Variants in LINGO2 observed in about 807,000 individuals in gnomAD.
LINGO2 encodes the protein leucine rich repeat and Ig domain containing 2, also known as leucine-rich repeat and immunoglobulin-like domain-containing nogo receptor-interacting protein 2.
Under a neutral mutation model 30.6 loss-of-function variants are expected in LINGO2, and 14 were observed. That is an observed-to-expected ratio of 0.46 (90% CI 0.30 to 0.72). The LOEUF (loss-of-function observed/expected upper bound fraction) is 0.72, where lower values mean the gene tolerates loss of function less well. Ranked by LOEUF, LINGO2 falls within the 30% of genes least tolerant of loss-of-function variation. The pLI, the probability that LINGO2 is intolerant of heterozygous loss-of-function variation, is 0.07. For synonymous variants in LINGO2, 317 were observed against 288.5 expected, an observed-to-expected ratio of 1.10 and a Z score of -1.00; for missense variants, 729 against 751.7, an observed-to-expected ratio of 0.97 and a Z score of 0.35.
chr9:28,914,110 C>T, the LINGO2 span, among the ~76,000 whole-genome samples: 1 of 152,106 alleles, frequency 6.6e-6, no homozygotes. Context: ...CTCATTAAAA[C>T]ATGAATGCAT....
At chr9:28,279,632 C>T (rs1412661021) in intron 4 of LINGO2, among the ~76,000 whole-genome samples, 1 of 152,110 alleles carries the variant, frequency 6.6e-6, no homozygotes, top group Admixed American at 6.6e-5. Flanking sequence ...TAATAAACTA[C>T]AGTATAGTAT....
intron 5 of LINGO2, among the ~76,000 whole-genome samples, chr9:27,970,210 G>A (rs1242554856): frequency 6.6e-6 from 1 of 152,098 alleles, no homozygotes; most frequent in African/African-American, 2.4e-5. Context: ...CTGGGCAGCG[G>A]TGAAAAACAG....
the LINGO2 span, among the ~76,000 whole-genome samples, chr9:29,082,676 T>C: frequency 6.6e-6 from 1 of 152,050 alleles, no homozygotes; most frequent in Non-Finnish European, 1.5e-5. Context: ...TTTTGCAATC[T>C]ACTCATCTGA....
chr9:28,505,704 A>C (rs1450606110), intron 1 of LINGO2, among the ~76,000 whole-genome samples: 1 of 151,922 alleles, frequency 6.6e-6, no homozygotes, highest in African/African-American at 2.4e-5. Flanking sequence ...TACATTTACC[A>C]ACTAATGCAT....
At chr9:29,054,217 A>G in the LINGO2 span, among the ~76,000 whole-genome samples, 83 of 152,184 alleles carry the variant, frequency 5.5e-4, no homozygotes, top group Non-Finnish European at 1.1e-3. Context: ...ACAAAACTAA[A>G]TATGCTTAAT....
chr9:28,605,526 A>G (rs1233838065), intron 1 of LINGO2, among the ~76,000 whole-genome samples: 1 of 152,014 alleles, frequency 6.6e-6, no homozygotes, highest in Non-Finnish European at 1.5e-5. Flanking sequence ...AATATTGTAT[A>G]TCTCTCACTA....
At chr9:28,803,248 CAG>C in the LINGO2 span, among the ~76,000 whole-genome samples, 2 of 151,750 alleles carry the variant, frequency 1.3e-5, no homozygotes, top group Non-Finnish European at 2.9e-5. Flanking sequence ...AAAAATGAAA[CAG>C]AATATAACAC....
At chr9:28,461,569 A>G (rs1825083942) in intron 2 of LINGO2, among the ~76,000 whole-genome samples, 1 of 152,202 alleles carries the variant, frequency 6.6e-6, no homozygotes, top group Admixed American at 6.5e-5. Context: ...TCTAATGAGT[A>G]ACAAATATTG....
At chr9:29,112,138 C>T in the LINGO2 span, among the ~76,000 whole-genome samples, 8 of 148,226 alleles carry the variant, frequency 5.4e-5, no homozygotes, top group Non-Finnish European at 7.4e-5. Flanking sequence ...AAATCAAATA[C>T]GAAATATATC....
the LINGO2 span, among the ~76,000 whole-genome samples, chr9:29,189,012 A>AC: frequency 7.6e-5 from 8 of 105,196 alleles, no homozygotes; most frequent in African/African-American, 1.7e-4. Context: ...CGGGGGGCTG[A>AC]CCCCCCCACC....
chr9:28,585,287 C>T (rs1373951386), intron 1 of LINGO2, among the ~76,000 whole-genome samples: 2 of 151,918 alleles, frequency 1.3e-5, no homozygotes, highest in Admixed American at 6.6e-5. Flanking sequence ...AGGAGCATGA[C>T]CAATTTGGAA....
chr9:28,436,184 T>G (rs1189735956), intron 2 of LINGO2, among the ~76,000 whole-genome samples: 1 of 152,296 alleles, frequency 6.6e-6, no homozygotes, highest in East Asian at 1.9e-4. Flanking sequence ...TTATGTTTTG[T>G]TTTTCACTTG....
intron 2 of LINGO2, among the ~76,000 whole-genome samples, chr9:28,397,572 G>C (rs1822102239): frequency 7.3e-6 from 1 of 136,732 alleles, no homozygotes; most frequent in South Asian, 2.4e-4. Flanking sequence ...TTTTGAGACG[G>C]AGTCTCAGTC....
Position 28,102,757 on chromosome 9 carries a change from A to AAAAAAAG in LINGO2, c.-86-90353_-86-90352insCTTTTTT, listed in dbSNP as rs540163185. Among the ~76,000 whole-genome samples, 21 of 152,208 alleles carry AAAAAAAG rather than the reference A, an allele frequency of 1.4e-4. No individual in the cohort carries two copies. In the South Asian group the frequency reaches 4.2e-3, roughly 30 times the overall value. On this transcript the variant is annotated intron_variant, in intron 4 of 5. Transcript: ENST00000379992. Reference sequence around the variant, plus strand: ...CTAATAAGCATAAAAAATGTTCACTAGCCTGTTTTCCAAGCCTTTATTCAC... The same window carrying AAAAAAAG: ...CTAATAAGCATAAAAAATGTTCACTAAAAAAAGGCCTGTTTTCCAAGCCTTTATTCAC...
chr9:28,121,849 G>T (rs910207063), intron 4 of LINGO2, among the ~76,000 whole-genome samples: 6 of 152,150 alleles, frequency 3.9e-5, no homozygotes, highest in African/African-American at 1.4e-4. Flanking sequence ...GAAGACTTCA[G>T]AACCGATGAA....
At chr9:28,200,151 A>T (rs566398806) in intron 4 of LINGO2, among the ~76,000 whole-genome samples, 2 of 152,328 alleles carry the variant, frequency 1.3e-5, no homozygotes, top group South Asian at 4.1e-4. Flanking sequence ...GTATTGTGTG[A>T]TTTACAAAGC....
At chr9:28,102,210 G>C (rs1453895407) in intron 4 of LINGO2, among the ~76,000 whole-genome samples, 1 of 151,892 alleles carries the variant, frequency 6.6e-6, no homozygotes, top group Non-Finnish European at 1.5e-5. Context: ...TTTCTGGTGG[G>C]ACTATGGGAA....
chr9:28,788,752 C>A, the LINGO2 span, among the ~76,000 whole-genome samples: 1 of 152,222 alleles, frequency 6.6e-6, no homozygotes, highest in Admixed American at 6.5e-5. Flanking sequence ...CACTCACTAC[C>A]ACGAGAACAG....
intron 4 of LINGO2, among the ~76,000 whole-genome samples, chr9:28,019,725 G>A (rs973758612): frequency 3.3e-5 from 5 of 151,926 alleles, no homozygotes; most frequent in African/African-American, 7.3e-5. Context: ...GGATGCAAAA[G>A]CAATATTTTT....
Sources: allele counts gnomAD v4.1 joint callset (sites outside exome capture counted in the v4.1 genomes callset), GRCh38; gene constraint gnomAD v4.1.1; transcripts MANE v1.5; gene names NCBI Gene and HGNC (gene_info 2026-07-23, HGNC 2026-07-21).